FARSB: variants seen among roughly 807,000 people sequenced by gnomAD.
FARSB encodes the protein phenylalanine--tRNA ligase beta subunit.
Under a neutral mutation model 69.6 loss-of-function variants are expected in FARSB, and 40 were observed. That is an observed-to-expected ratio of 0.57 (90% CI 0.45 to 0.75). The LOEUF is 0.75. Among genes scored for constraint, FARSB ranks in the 30% least tolerant of loss-of-function variants. The pLI is 0.00. For missense variants in FARSB, 632 were observed against 722.9 expected (o/e 0.87, Z 1.44); for synonymous variants, 235 against 247.2 (o/e 0.95, Z 0.46).
rs776436222 is a variant in FARSB at position 222,633,200 on chromosome 2, A to G, written c.714T>C (p.Asn238=). 1 of 1,390,722 alleles carries G rather than the reference A, an allele frequency of 7.2e-7. No homozygotes were observed. The highest frequency in any genetic ancestry group is 1.0e-6 in the Non-Finnish European group (1 of 976,806). 86.1% of individuals were successfully genotyped at this position (1,390,722 alleles called of 1,614,324 possible). The change falls in exon 7 of 17, where the codon AAT becomes AAC. Residue 238 remains asparagine, a splice_region_variant and synonymous_variant. Coordinates refer to ENST00000281828, the MANE Select transcript of FARSB (RefSeq NM_005687.5). Reference sequence around the variant, plus strand: ...TGTGATGCTTATAAAATAACTCACCATTGATGATGGGAGGCATTGAAAGGA... The same window carrying G: ...TGTGATGCTTATAAAATAACTCACCGTTGATGATGGGAGGCATTGAAAGGA... ...GVVLSMPPII[N]GDHSRITVNT... is the part of the protein sequence containing the mutation.
Position 222,571,973 on chromosome 2 carries a change from T to A in FARSB, c.1668A>T (p.Gln556His). ...GAAGGACCCCAAGCTTCCCGACGCT[T>A]TGACCCCTGGCAAAGATCTCTGCAC... ...GRCAEIFARG[Q>H]SVGKLGVLHP... is the part of the protein sequence containing the mutation. Residue 556 changes from glutamine (Q) to histidine (H), a missense_variant, in exon 17 of 17, where the codon CAA becomes CAT. Physicochemically the swap from Gln to His is conservative, Grantham distance 24. Transcript: ENST00000281828. The A allele has an allele frequency of 6.2e-7, 1 of 1,613,856 alleles. No homozygotes were observed. The highest frequency in any genetic ancestry group is 8.5e-7 in the Non-Finnish European group (1 of 1,179,916).
intron 16 of FARSB, among the ~76,000 whole-genome samples, chr2:222,580,031 A>T (rs1436785): frequency 0.87 from 132,481 of 152,206 alleles, 57,798 homozygotes; most frequent in East Asian, 0.97. Context: ...CTCAGTGTTA[A>T]ATGGACTCTA....
chr2:222,650,497 A>AT (rs1692006097), intron 1 of FARSB, among the ~76,000 whole-genome samples: 1 of 152,206 alleles, frequency 6.6e-6, no homozygotes, highest in Non-Finnish European at 1.5e-5. Context: ...AAGAGGTGGA[A>AT]TGTATAAGGC....
intron 15 of FARSB, among the ~76,000 whole-genome samples, chr2:222,613,407 T>A (rs976259239): frequency 6.6e-6 from 1 of 152,108 alleles, no homozygotes; most frequent in Non-Finnish European, 1.5e-5. Flanking sequence ...TAGCCGGGTG[T>A]GGTGGCACAT....
intron 16 of FARSB, among the ~76,000 whole-genome samples, chr2:222,585,126 G>A (rs960553105): frequency 6.6e-6 from 1 of 152,128 alleles, no homozygotes; most frequent in African/African-American, 2.4e-5. Flanking sequence ...CAGCCGGGTG[G>A]CCCTCTGAGA....
At chr2:222,630,992 T>A (rs1691407856) in intron 8 of FARSB, among the ~76,000 whole-genome samples, 1 of 152,192 alleles carries the variant, frequency 6.6e-6, no homozygotes, top group African/African-American at 2.4e-5. Context: ...TTACCTTTTT[T>A]AAATTGTTTA....
At chr2:222,600,558 C>T (rs2106198190) in intron 15 of FARSB, among the ~76,000 whole-genome samples, 1 of 152,264 alleles carries the variant, frequency 6.6e-6, no homozygotes, top group African/African-American at 2.4e-5. Flanking sequence ...TGCAATCACT[C>T]ATCAGGATAC....
At chr2:222,649,551 T>C (rs1299974963) in intron 1 of FARSB, among the ~76,000 whole-genome samples, 6 of 152,260 alleles carry the variant, frequency 3.9e-5, no homozygotes, top group Non-Finnish European at 1.5e-5. Flanking sequence ...ATCCCACTTA[T>C]TAGATCTGAG....
rs1367335153 is a variant in FARSB, at chr2:222,571,435, GA to G, written c.*435del. The G allele has an allele frequency of 6.6e-6, 1 of 151,690 alleles. No individual in the cohort carries two copies. The highest frequency in any genetic ancestry group is 1.5e-5 in the Non-Finnish European group (1 of 68,234). The allele number at this position is 151,690 out of a possible 1,614,324, so 9.4% of individuals were successfully genotyped here. A position where few individuals can be genotyped will look rare whatever the true frequency, so the allele number is the denominator to read the frequency against. On this transcript the variant is annotated 3_prime_UTR_variant, in exon 17 of 17. Coordinates refer to ENST00000281828, the MANE Select transcript of FARSB (RefSeq NM_005687.5). ...CAATGATGAATACATGTCAAATGTA[GA>G]AAATCAAAGCTAAACCCCTCAGTTA...
intron 15 of FARSB, among the ~76,000 whole-genome samples, chr2:222,604,204 C>T (rs1464875365): frequency 2.8e-5 from 4 of 143,658 alleles, no homozygotes; most frequent in Admixed American, 1.4e-4. Context: ...AGCAACAGAG[C>T]GAGACTCCGT....
chr2:222,638,403 G>T (rs556242916), intron 5 of FARSB, among the ~76,000 whole-genome samples: 1 of 152,270 alleles, frequency 6.6e-6, no homozygotes, highest in East Asian at 1.9e-4. Flanking sequence ...AGATAATAGA[G>T]CCAGAGCAGA....
At chr2:222,638,159 C>T (rs1691633280) in intron 5 of FARSB, among the ~76,000 whole-genome samples, 1 of 152,128 alleles carries the variant, frequency 6.6e-6, no homozygotes, top group Non-Finnish European at 1.5e-5. Context: ...AATTTAATAA[C>T]TTAGACAATA....
intron 15 of FARSB, among the ~76,000 whole-genome samples, chr2:222,601,108 G>C (rs1690545505): frequency 6.6e-6 from 1 of 152,102 alleles, no homozygotes; most frequent in Non-Finnish European, 1.5e-5. Flanking sequence ...GTAGCTGCCA[G>C]GGGTTGGAGG....
intron 13 of FARSB, among the ~76,000 whole-genome samples, chr2:222,623,192 C>A (rs1485692699): frequency 6.6e-6 from 1 of 152,088 alleles, no homozygotes; most frequent in East Asian, 1.9e-4. Context: ...CTGATTTAGG[C>A]CTTTTATGTC....
intron 14 of FARSB, among the ~76,000 whole-genome samples, chr2:222,614,938 CAG>C (rs1386331270): frequency 6.6e-6 from 1 of 152,026 alleles, no homozygotes; most frequent in Non-Finnish European, 1.5e-5. Context: ...ATGAGGAAAA[CAG>C]AATACAAATA....
rs1691217572 is a variant in FARSB, at chr2:222,624,489, G to GA, written c.963-11dup. Reference sequence around the variant, plus strand: ...ATTTTCTGGAGTTTCTCTGAAAAAGGAATGAACAAACCATAAACTTCATTG... The same window carrying GA: ...ATTTTCTGGAGTTTCTCTGAAAAAGGAAATGAACAAACCATAAACTTCATTG... On this transcript the variant is annotated splice_polypyrimidine_tract_variant and intron_variant, in intron 11 of 16. Coordinates refer to ENST00000281828, the MANE Select transcript of FARSB (RefSeq NM_005687.5). The GA allele has an allele frequency of 6.4e-7, 1 of 1,571,220 alleles. No individual in the cohort carries two copies. The highest frequency in any genetic ancestry group is 1.7e-5 in the Admixed American group (1 of 59,858).
intron 1 of FARSB, among the ~76,000 whole-genome samples, chr2:222,649,540 T>C (rs1691971283): frequency 6.6e-6 from 1 of 152,272 alleles, no homozygotes; most frequent in South Asian, 2.1e-4. Flanking sequence ...GTTTGAATTC[T>C]ATCCCACTTA....
At chr2:222,583,007 C>G (rs1472537719) in intron 16 of FARSB, among the ~76,000 whole-genome samples, 1 of 151,556 alleles carries the variant, frequency 6.6e-6, no homozygotes, top group African/African-American at 2.4e-5. Context: ...TAAACTAACA[C>G]AGGAACAGAA....
chr2:222,633,355 T>C (rs78039547), intron 6 of FARSB, 48 bp from the exon 7 acceptor site: 22,987 of 929,822 alleles, frequency 0.025, 537 homozygotes, highest in African/African-American at 0.094. Context: ...TTTTAATTTC[T>C]ATCACTATAG....
Sources: allele counts gnomAD v4.1 joint callset (sites outside exome capture counted in the v4.1 genomes callset), GRCh38; gene constraint gnomAD v4.1.1; transcripts MANE v1.5; gene names NCBI Gene and HGNC (gene_info 2026-07-23, HGNC 2026-07-21).